Variants in EDIL3 observed in about 807,000 individuals in gnomAD.
The protein encoded by EDIL3 is EGF-like repeat and discoidin I-like domain-containing protein 3.
A neutral mutation model predicts 67.4 loss-of-function variants in EDIL3; 37 were observed. The observed-to-expected ratio is 0.55, with a 90% CI of 0.42 to 0.72. EDIL3 has a LOEUF of 0.72. EDIL3 is among the 30% of genes least tolerant of loss of function. EDIL3 has a pLI of 0.00. For missense variants in EDIL3, 527 were observed against 586.3 expected (o/e 0.90, Z 1.04); for synonymous variants, 195 against 196.3 (o/e 0.99, Z 0.05).
chr5:84,263,947 G>A (rs1274144147), intron 1 of EDIL3, among the ~76,000 whole-genome samples: 2 of 152,168 alleles, frequency 1.3e-5, no homozygotes, highest in African/African-American at 4.8e-5. Context: ...GACACAAACT[G>A]AAGGAGTTCT....
At chr5:84,009,374 C>A in intron 9 of EDIL3, among the ~76,000 whole-genome samples, 1 of 152,110 alleles carries the variant, frequency 6.6e-6, no homozygotes, top group East Asian at 1.9e-4. Context: ...GGTGGGATCT[C>A]CTGACATTCT....
intron 3 of EDIL3, among the ~76,000 whole-genome samples, chr5:84,207,219 T>C (rs1202970639): frequency 1.3e-5 from 2 of 152,048 alleles, no homozygotes; most frequent in Non-Finnish European, 2.9e-5. Flanking sequence ...AAAATCAAAG[T>C]ACAAAAATCA....
intron 9 of EDIL3, among the ~76,000 whole-genome samples, chr5:84,030,565 T>A (rs189787657): frequency 2.6e-5 from 4 of 152,220 alleles, no homozygotes; most frequent in African/African-American, 9.6e-5. Context: ...ATTTATACTG[T>A]CATAATATAG....
chr5:84,086,898 C>T (rs762727701), intron 6 of EDIL3, among the ~76,000 whole-genome samples: 2 of 152,104 alleles, frequency 1.3e-5, no homozygotes, highest in Non-Finnish European at 2.9e-5. Flanking sequence ...TCCAAGATGG[C>T]AGCCTCTGAG....
intron 10 of EDIL3, among the ~76,000 whole-genome samples, chr5:83,959,358 T>G (rs866311060): frequency 6.6e-6 from 1 of 150,788 alleles, no homozygotes; most frequent in Non-Finnish European, 1.5e-5. Context: ...AAAACTGCAT[T>G]TATTTTCAGA....
chr5:84,073,153 A>C (rs1580312705), intron 6 of EDIL3, among the ~76,000 whole-genome samples: 1 of 152,174 alleles, frequency 6.6e-6, no homozygotes, highest in Non-Finnish European at 1.5e-5. Flanking sequence ...ACAACTCTTC[A>C]TGCTAAAAAC....
chr5:84,148,972 C>CAAAAAA (rs60662947), intron 4 of EDIL3, among the ~76,000 whole-genome samples: 1 of 87,066 alleles, frequency 1.1e-5, no homozygotes, highest in Non-Finnish European at 2.3e-5. Context: ...ACAAAAACGA[C>CAAAAAA]AAAAAAAAAA....
At chr5:84,370,413 T>C (rs1303792709) in intron 1 of EDIL3, among the ~76,000 whole-genome samples, 1 of 152,106 alleles carries the variant, frequency 6.6e-6, no homozygotes, top group Non-Finnish European at 1.5e-5. Context: ...GGGAAAGAAG[T>C]TATGCTTGGA....
At chr5:84,098,761 T>C (rs561796721) in intron 6 of EDIL3, among the ~76,000 whole-genome samples, 6 of 152,164 alleles carry the variant, frequency 3.9e-5, no homozygotes, top group Non-Finnish European at 5.9e-5. Flanking sequence ...GCTAATGCAG[T>C]GTTAAGAGGG....
intron 3 of EDIL3, among the ~76,000 whole-genome samples, chr5:84,226,552 G>A (rs1744455994): frequency 6.6e-6 from 1 of 151,488 alleles, no homozygotes; most frequent in Admixed American, 6.6e-5. Flanking sequence ...ATAATATTTT[G>A]CCAAATGTTT....
chr5:84,097,710 A>G (rs1452929939), intron 6 of EDIL3, among the ~76,000 whole-genome samples: 1 of 152,112 alleles, frequency 6.6e-6, no homozygotes, highest in African/African-American at 2.4e-5. Flanking sequence ...AATTCAATGT[A>G]TATGTATTCT....
intron 1 of EDIL3, among the ~76,000 whole-genome samples, chr5:84,333,090 T>A (rs1213534745): frequency 3.3e-5 from 5 of 152,168 alleles, no homozygotes; most frequent in African/African-American, 1.2e-4. Flanking sequence ...AACTCTTAAA[T>A]GCCCACCCTT....
intron 9 of EDIL3, among the ~76,000 whole-genome samples, chr5:84,040,957 C>A (rs1746109549): frequency 6.6e-6 from 1 of 152,068 alleles, no homozygotes; most frequent in South Asian, 2.1e-4. Flanking sequence ...CATGGCAAAA[C>A]CCTATCTCTA....
intron 9 of EDIL3, among the ~76,000 whole-genome samples, chr5:84,000,467 C>T (rs374827387): frequency 6.6e-5 from 10 of 151,992 alleles, no homozygotes; most frequent in East Asian, 3.9e-4. Context: ...TTAGATTGTT[C>T]GCTTTTGCAA....
intron 5 of EDIL3, among the ~76,000 whole-genome samples, chr5:84,112,799 T>C (rs1410481879): frequency 6.6e-6 from 1 of 152,208 alleles, no homozygotes. Flanking sequence ...AGCAGCAAGC[T>C]TCAATTTCAG....
chr5:84,083,747 T>C (rs1747018783), intron 6 of EDIL3, among the ~76,000 whole-genome samples: 1 of 152,182 alleles, frequency 6.6e-6, no homozygotes, highest in African/African-American at 2.4e-5. Context: ...TCATTACCAT[T>C]CTTCTCAGAA....
Position 84,298,308 on chromosome 5 carries a change from G to A in EDIL3, c.68-44096C>T, listed in dbSNP as rs576873980. Among the ~76,000 whole-genome samples the A allele has an allele frequency of 6.4e-4, 97 of 152,242 alleles. No homozygotes were observed. The Middle Eastern group carries it at 0.014, about 21-fold the overall frequency. Reference sequence around the variant, plus strand: ...TGGCATACTATGCAGCCATAAAAAGGAATGAGATCATGTCTTTTGCAGAGC... The same window carrying A: ...TGGCATACTATGCAGCCATAAAAAGAAATGAGATCATGTCTTTTGCAGAGC... On this transcript the variant is annotated intron_variant, in intron 1 of 10. Coordinates refer to ENST00000296591, the MANE Select transcript of EDIL3 (RefSeq NM_005711.5).
intron 1 of EDIL3, among the ~76,000 whole-genome samples, chr5:84,264,381 G>A (rs1745303416): frequency 6.6e-6 from 1 of 152,202 alleles, no homozygotes; most frequent in Non-Finnish European, 1.5e-5. Context: ...GAAGGTTGTT[G>A]CCTGGGAAAA....
intron 9 of EDIL3, among the ~76,000 whole-genome samples, chr5:84,006,337 C>A (rs889783300): frequency 5.0e-5 from 7 of 138,902 alleles, no homozygotes; most frequent in Admixed American, 1.5e-4. Context: ...GAACACTATG[C>A]AGCCATAAAA....
Sources: allele counts gnomAD v4.1 joint callset (sites outside exome capture counted in the v4.1 genomes callset), GRCh38; gene constraint gnomAD v4.1.1; transcripts MANE v1.5; gene names NCBI Gene and HGNC (gene_info 2026-07-23, HGNC 2026-07-21).